Variants in ASAP2 observed in about 807,000 individuals in gnomAD.
ASAP2 encodes ArfGAP with SH3 domain, ankyrin repeat and PH domain 2.
Under a neutral mutation model 131.4 loss-of-function variants are expected in ASAP2, and 45 were observed. The ratio of observed to expected loss-of-function variants is 0.34; its 90% confidence interval spans 0.27 to 0.44. The LOEUF (loss-of-function observed/expected upper bound fraction) is 0.44, where lower values mean the gene tolerates loss of function less well. Among genes scored for constraint, ASAP2 ranks in the 20% least tolerant of loss-of-function variants. The pLI is 1.00. For synonymous variants in ASAP2, 510 were observed against 503.0 expected (o/e 1.01, Z -0.19); for missense variants, 1,011 against 1,297.0 (o/e 0.78, Z 3.39).
At chr2:9,373,193 G>T (rs1425170891) in intron 16 of ASAP2, among the ~76,000 whole-genome samples, 2 of 152,122 alleles carry the variant, frequency 1.3e-5, no homozygotes, top group African/African-American at 4.8e-5. Flanking sequence ...AACTGGAGCC[G>T]GAGCAGGAGG....
chr2:9,271,342 C>G (rs1666380146), intron 1 of ASAP2: 1 of 1,103,526 alleles, frequency 9.1e-7, no homozygotes, highest in Non-Finnish European at 1.4e-6. Context: ...CTACGAGGAA[C>G]TGGCATAATA....
chr2:9,244,260 C>T (rs1465634395), intron 1 of ASAP2, among the ~76,000 whole-genome samples: 1 of 152,178 alleles, frequency 6.6e-6, no homozygotes, highest in Non-Finnish European at 1.5e-5. Flanking sequence ...CGCGCCACTG[C>T]ACTCCAGCCT....
At chr2:9,298,609 C>T (rs184887713) in intron 3 of ASAP2, among the ~76,000 whole-genome samples, 52 of 152,358 alleles carry the variant, frequency 3.4e-4, no homozygotes, top group African/African-American at 1.3e-3. Context: ...AGCCCCATGC[C>T]CTGGACACTG....
At chr2:9,363,078 C>T (rs895695810) in intron 15 of ASAP2, among the ~76,000 whole-genome samples, 7 of 152,190 alleles carry the variant, frequency 4.6e-5, no homozygotes, top group African/African-American at 1.7e-4. Context: ...GCTTATTTCA[C>T]TTAGTATAAT....
At chr2:9,223,947 C>T (rs1255840290) in intron 1 of ASAP2, among the ~76,000 whole-genome samples, 2 of 152,116 alleles carry the variant, frequency 1.3e-5, no homozygotes, top group South Asian at 2.1e-4. Context: ...TGATTTGGTG[C>T]GCTGGGATGC....
At chr2:9,231,447 G>T (rs965307621) in intron 1 of ASAP2, among the ~76,000 whole-genome samples, 3 of 152,154 alleles carry the variant, frequency 2.0e-5, no homozygotes, top group Non-Finnish European at 4.4e-5. Context: ...TTGGGTTTGC[G>T]TCATGACTCG....
intron 9 of ASAP2, among the ~76,000 whole-genome samples, chr2:9,341,960 G>T (rs935726971): frequency 6.6e-6 from 1 of 152,102 alleles, no homozygotes; most frequent in Admixed American, 6.6e-5. Flanking sequence ...AATGGAGAGT[G>T]CCTCCGCATG....
intron 1 of ASAP2, among the ~76,000 whole-genome samples, chr2:9,253,209 G>A (rs777748899): frequency 6.6e-6 from 1 of 151,332 alleles, no homozygotes; most frequent in African/African-American, 2.4e-5. Context: ...TGTCACCCAG[G>A]CTGGAGTGCA....
chr2:9,274,425 C>T (rs755536351), intron 1 of ASAP2, among the ~76,000 whole-genome samples: 2 of 148,144 alleles, frequency 1.4e-5, no homozygotes, highest in African/African-American at 5.0e-5. Context: ...CAGGTTCAAG[C>T]GATTCTCCTG....
At position 9,311,832 on chromosome 2, in the gene ASAP2, A is replaced by C. The variant is rs1166273119; in HGVS notation, c.346-6692A>C. Among the ~76,000 whole-genome samples, 1 of 152,090 alleles carries C rather than the reference A, an allele frequency of 6.6e-6. No homozygotes were observed. Among genetic ancestry groups the C allele is most frequent in the Non-Finnish European group, 1.5e-5 (1 of 68,018 alleles). On this transcript the variant is annotated intron_variant, in intron 3 of 27. Transcript: ENST00000281419. The surrounding 1 kb of genome is among the most constrained non-coding windows in gnomAD (Gnocchi z 5.2). ...CACTTGTTCTCTGGCCCAGACAGAGACCAGAGTGGCCATGTCCTGGGAAAT... is the reference window on the plus strand; with the variant it reads ...CACTTGTTCTCTGGCCCAGACAGAGCCCAGAGTGGCCATGTCCTGGGAAAT...
In ASAP2 at chr2:9,388,309, CG is replaced by C; in HGVS notation, c.2149del (p.Glu717LysfsTer51). The C allele has an allele frequency of 6.2e-7, 1 of 1,614,032 alleles. No homozygotes were observed. The highest frequency in any genetic ancestry group is 8.5e-7 in the Non-Finnish European group (1 of 1,180,026). On this transcript the variant is annotated frameshift_variant, in exon 22 of 28. Transcript: ENST00000281419. LOFTEE classifies it high-confidence loss of function. ...TCTCCTGCAGCCCAGTCCCAACCGG[CG>C]GGAAGACCGGCCCATCAGCTTCTAC... ...DEKLQPSPNR[R>X]EDRPISFYQL...
At chr2:9,338,267 C>A (rs930039826) in intron 9 of ASAP2, among the ~76,000 whole-genome samples, 18 of 152,152 alleles carry the variant, frequency 1.2e-4, no homozygotes, top group African/African-American at 4.3e-4. Flanking sequence ...TGGTTTTCCA[C>A]TCTGCAGATC....
chr2:9,377,987 T>C (rs1268377054), intron 18 of ASAP2, among the ~76,000 whole-genome samples: 1 of 152,126 alleles, frequency 6.6e-6, no homozygotes, highest in Non-Finnish European at 1.5e-5. Flanking sequence ...TCTCCCTCCA[T>C]GCACATTTTC....
Position 9,389,266 on chromosome 2 carries a change from C to T in ASAP2, c.2383+720C>T, listed in dbSNP as rs1380830857. Reference sequence around the variant, plus strand: ...ACTCAGCTCTGGGCTGAGCTCCAGTCGTGGCCATGGCCTTCAGAGGGTTTC... The same window carrying T: ...ACTCAGCTCTGGGCTGAGCTCCAGTTGTGGCCATGGCCTTCAGAGGGTTTC... On this transcript the variant is annotated intron_variant, in intron 22 of 27. Transcript: ENST00000281419. The surrounding 1 kb of genome is among the most constrained non-coding windows in gnomAD (Gnocchi z 4.7). Among the ~76,000 whole-genome samples, 1 of 152,202 alleles carries T rather than the reference C, an allele frequency of 6.6e-6. No homozygotes were observed. Among genetic ancestry groups the T allele is most frequent in the African/African-American group, 2.4e-5 (1 of 41,436 alleles).
intron 2 of ASAP2, among the ~76,000 whole-genome samples, chr2:9,287,477 G>A (rs1236305279): frequency 4.6e-5 from 7 of 152,188 alleles, no homozygotes; most frequent in Non-Finnish European, 8.8e-5. Flanking sequence ...TGAAGGACGC[G>A]GGGCTCCTGG....
chr2:9,256,162 C>CAA (rs71389235), intron 1 of ASAP2, among the ~76,000 whole-genome samples: 2,019 of 86,728 alleles, frequency 0.023, 47 homozygotes, highest in African/African-American at 0.051. Flanking sequence ...GGGTCCCCTG[C>CAA]AAAAAAAAAA....
intron 9 of ASAP2, among the ~76,000 whole-genome samples, chr2:9,342,773 C>T (rs191347296): frequency 2.0e-5 from 3 of 152,318 alleles, no homozygotes; most frequent in Admixed American, 2.0e-4. Flanking sequence ...CCCGTCTTGT[C>T]CACCCCTGGG....
At chr2:9,401,962 T>G (rs1047421806) in intron 27 of ASAP2, among the ~76,000 whole-genome samples, 25 of 152,192 alleles carry the variant, frequency 1.6e-4, no homozygotes, top group African/African-American at 5.8e-4. Flanking sequence ...GCAGGTGATC[T>G]TGTGAGCACC....
At chr2:9,255,869 G>T (rs1242967522) in intron 1 of ASAP2, among the ~76,000 whole-genome samples, 1 of 152,186 alleles carries the variant, frequency 6.6e-6, no homozygotes. Flanking sequence ...TAAACATTGG[G>T]CTGGGGGGCA....
Sources: allele counts gnomAD v4.1 joint callset (sites outside exome capture counted in the v4.1 genomes callset), GRCh38; gene constraint gnomAD v4.1.1; non-coding constraint Gnocchi (gnomAD v3.1); transcripts MANE v1.5; gene names NCBI Gene and HGNC (gene_info 2026-07-23, HGNC 2026-07-21).